The following MRPS27 variants were observed in gnomAD, a reference collection of about 807,000 sequenced individuals.
MRPS27 encodes small ribosomal subunit protein mS27.
MRPS27 carries 43 observed loss-of-function variants against 48.9 expected under a neutral mutation model. The observed-to-expected ratio is 0.88, with a 90% CI of 0.69 to 1.13. MRPS27 has a LOEUF of 1.13. Among genes scored for constraint, MRPS27 ranks in the 50% most tolerant of loss-of-function variants. The pLI is 0.00. For missense variants in MRPS27, 467 were observed against 476.3 expected (o/e 0.98, Z 0.18); for synonymous variants, 188 against 171.9 (o/e 1.09, Z -0.73).
At chr5:72,255,054 T>TG (rs1344304629) in intron 4 of MRPS27, among the ~76,000 whole-genome samples, 2 of 138,778 alleles carry the variant, frequency 1.4e-5, no homozygotes, top group Non-Finnish European at 3.0e-5. Context: ...TTTTTTTTTT[T>TG]TTGAGACAGA....
intron 4 of MRPS27, among the ~76,000 whole-genome samples, chr5:72,239,385 A>G (rs1374023478): frequency 6.6e-6 from 1 of 152,216 alleles, no homozygotes; most frequent in Non-Finnish European, 1.5e-5. Flanking sequence ...TTTGGCAAAA[A>G]TAAGATCCAA....
Position 72,320,196 on chromosome 5 carries a change from C to G in MRPS27, c.26G>C (p.Gly9Ala). MAASIVRRGMLLARQVVLP... is the reference protein window; with the variant it reads MAASIVRRAMLLARQVVLP... Reference sequence around the variant, plus strand: ...AACCACTTGCCGCGCCAGGAGCATCCCGCGCCGCACTATGGAGGCAGCCAT... The same window carrying G: ...AACCACTTGCCGCGCCAGGAGCATCGCGCGCCGCACTATGGAGGCAGCCAT... Residue 9 changes from glycine to alanine, a missense_variant, in exon 1 of 11, where the codon GGG becomes GCG. Transcript: ENST00000261413. 6.2e-7 allele frequency: 1 copy of G among 1,613,974 alleles called. No individual in the cohort carries two copies. The highest frequency in any genetic ancestry group is 1.3e-5 in the African/African-American group (1 of 75,038).
chr5:72,228,287 A>G lies in MRPS27; in HGVS notation c.673T>C (p.Leu225=), dbSNP rs79897694. Residue 225 remains leucine (L), a synonymous_variant, in exon 8 of 11, where the codon TTG becomes CTG. Coordinates refer to ENST00000261413, the MANE Select transcript of MRPS27 (RefSeq NM_015084.3). Reference sequence around the variant, plus strand: ...TTACCAAGAAGTGCATAGCCATACAACTGGGAACTGAAACCCACTGAGTTC... The same window carrying G: ...TTACCAAGAAGTGCATAGCCATACAGCTGGGAACTGAAACCCACTGAGTTC... ...QKNSVGFSSQ[L]YGYALLGKVE... 2.4e-4 allele frequency: 395 copies of G among 1,613,446 alleles called. 2 individuals carry two copies. The African/African-American group carries it at 4.8e-3, about 20-fold the overall frequency.
intron 4 of MRPS27, among the ~76,000 whole-genome samples, chr5:72,263,977 A>C (rs1749045380): frequency 6.6e-6 from 1 of 152,212 alleles, no homozygotes; most frequent in African/African-American, 2.4e-5. Context: ...AATAGCCCAA[A>C]GATAGAAACA....
chr5:72,314,886 A>T (rs1307794349), intron 1 of MRPS27, among the ~76,000 whole-genome samples: 1 of 152,252 alleles, frequency 6.6e-6, no homozygotes, highest in Admixed American at 6.5e-5. Flanking sequence ...TCTTAGATCC[A>T]CAGGTTTCAA....
chr5:72,314,204 G>T, intron 1 of MRPS27, 46 bp from the exon 2 acceptor site: 1 of 1,382,808 alleles, frequency 7.2e-7, no homozygotes, highest in South Asian at 1.2e-5. Flanking sequence ...TTTACAAGAG[G>T]TTCATTTTAT....
chr5:72,310,129 T>C (rs1750403430), intron 2 of MRPS27, among the ~76,000 whole-genome samples: 2 of 152,236 alleles, frequency 1.3e-5, no homozygotes, highest in South Asian at 2.1e-4. Context: ...CTGCAAAATA[T>C]ATATAGTATA....
intron 4 of MRPS27, among the ~76,000 whole-genome samples, chr5:72,277,909 G>T (rs1166058853): frequency 2.6e-5 from 4 of 152,070 alleles, no homozygotes; most frequent in Admixed American, 2.0e-4. Context: ...CACAGGGAGG[G>T]GAATAACACA....
intron 4 of MRPS27, among the ~76,000 whole-genome samples, chr5:72,250,041 T>C (rs1748623916): frequency 6.6e-6 from 1 of 152,224 alleles, no homozygotes; most frequent in African/African-American, 2.4e-5. Context: ...TTTTTGAGCA[T>C]TGATAACAAG....
intron 4 of MRPS27, among the ~76,000 whole-genome samples, chr5:72,242,477 A>T (rs2111968638): frequency 6.6e-6 from 1 of 150,734 alleles, no homozygotes; most frequent in African/African-American, 2.4e-5. Flanking sequence ...TATAGGAGGT[A>T]CTCTATTGTG....
At chr5:72,266,491 G>T (rs1328210487) in intron 4 of MRPS27, among the ~76,000 whole-genome samples, 2 of 152,212 alleles carry the variant, frequency 1.3e-5, no homozygotes, top group African/African-American at 2.4e-5. Context: ...TCTACTGGCT[G>T]CTGGCCCAGT....
At chr5:72,232,581 A>T (rs747442736) in intron 6 of MRPS27, 23 bp from the exon 7 acceptor site, 1 of 1,520,638 alleles carries the variant, frequency 6.6e-7, no homozygotes, top group African/African-American at 1.4e-5. Context: ...GAAAGTAAAA[A>T]AGAGAGGAAA....
chr5:72,246,572 T>C (rs1347575701), intron 4 of MRPS27, among the ~76,000 whole-genome samples: 2 of 152,200 alleles, frequency 1.3e-5, no homozygotes. Flanking sequence ...GAAGAGGCTT[T>C]GAAAGCAACC....
At chr5:72,241,638 G>C (rs1046362426) in intron 4 of MRPS27, 5 of 1,534,970 alleles carry the variant, frequency 3.3e-6, no homozygotes, top group Admixed American at 2.0e-5. Context: ...CTCTGGAATG[G>C]GCACTTGCCT....
At chr5:72,310,278 G>A (rs1226589258) in intron 2 of MRPS27, among the ~76,000 whole-genome samples, 2 of 152,154 alleles carry the variant, frequency 1.3e-5, no homozygotes, top group East Asian at 3.9e-4. Flanking sequence ...GGTTTCTAAT[G>A]CCATTCCTCA....
At chr5:72,247,235 G>A (rs910811099) in intron 4 of MRPS27, among the ~76,000 whole-genome samples, 4 of 152,224 alleles carry the variant, frequency 2.6e-5, no homozygotes, top group Middle Eastern at 6.8e-3. Context: ...CACAGCTTAC[G>A]GGCCAAACAA....
At chr5:72,233,432 C>T (rs533366410) in intron 6 of MRPS27, among the ~76,000 whole-genome samples, 2 of 152,134 alleles carry the variant, frequency 1.3e-5, no homozygotes, top group South Asian at 4.2e-4. Flanking sequence ...AAATATAGTG[C>T]CTGTTCATAT....
chr5:72,282,376 G>A (rs1330347401), intron 4 of MRPS27, among the ~76,000 whole-genome samples: 2 of 152,108 alleles, frequency 1.3e-5, no homozygotes, highest in Non-Finnish European at 2.9e-5. Flanking sequence ...AAATCAAACT[G>A]CGTTACACTT....
intron 2 of MRPS27, among the ~76,000 whole-genome samples, chr5:72,302,831 G>T (rs1750157711): frequency 6.6e-6 from 1 of 152,088 alleles, no homozygotes; most frequent in Non-Finnish European, 1.5e-5. Context: ...GGTAAAGCCA[G>T]GACCACCTAA....
Sources: gnomAD v4.1 joint callset for allele counts (sites outside exome capture counted in the v4.1 genomes callset) on GRCh38, gnomAD v4.1.1 for gene constraint, MANE v1.5 for transcripts, NCBI Gene and HGNC (gene_info 2026-07-23, HGNC 2026-07-21) for gene names.